The following DRAXIN variants were observed in gnomAD, a reference collection of about 807,000 sequenced individuals.
The protein encoded by DRAXIN is dorsal repulsive axon guidance protein.
Under a neutral mutation model 33.9 loss-of-function variants are expected in DRAXIN, and 27 were observed. The observed-to-expected ratio is 0.80, with a 90% confidence interval of 0.59 to 1.10. DRAXIN has a LOEUF of 1.10. DRAXIN is among the 50% of genes least tolerant of loss of function. The pLI is 0.00. For missense variants in DRAXIN, 371 were observed against 460.8 expected, an observed-to-expected ratio of 0.81 and a Z score of 1.78; for synonymous variants, 178 against 194.0, an observed-to-expected ratio of 0.92 and a Z score of 0.69.
chr1:11,718,141 T>TAAA (rs60384383), intron 6 of DRAXIN, among the ~76,000 whole-genome samples: 21,231 of 115,822 alleles, frequency 0.18, 2,342 homozygotes, highest in Admixed American at 0.27. Context: ...CCATCTCTGC[T>TAAA]AAAAAAAAAA....
rs538956193 is a variant in DRAXIN, at chr1:11,707,813, G to A, written c.451+1104G>A. 2.6e-5 allele frequency among the ~76,000 whole-genome samples: 4 copies of A among 152,304 alleles called. No homozygotes were observed. The East Asian group carries it at 7.7e-4, about 29-fold the overall frequency. ...CTCCCCGTGCCCATTCAGTCTCGGA[G>A]TAGACATGTCCCCTCAGCTCCAGTC... On this transcript the variant is annotated intron_variant, in intron 2 of 6. Transcript: ENST00000294485.
Position 11,706,382 on chromosome 1 carries a change from AT to A in DRAXIN, c.126del (p.Ile42MetfsTer105). 6.2e-7 allele frequency: 1 copy of A among 1,613,690 alleles called. No individual in the cohort carries two copies. The highest frequency in any genetic ancestry group is 8.5e-7 in the Non-Finnish European group (1 of 1,179,966). Reference protein sequence around the residue: ...TPARNLPENHIDLPGPALWTP... With the variant: ...TPARNLPENHXDLPGPALWTP... Reference sequence around the variant, plus strand: ...TGCCCGGAACCTCCCTGAGAATCACATTGACCTCCCAGGCCCAGCGCTGTGG... The same window carrying A: ...TGCCCGGAACCTCCCTGAGAATCACATGACCTCCCAGGCCCAGCGCTGTGG... On this transcript the variant is annotated frameshift_variant, in exon 2 of 7. Transcript: ENST00000294485. LOFTEE classifies it high-confidence loss of function. This position sits in a 1 kb window ranked among gnomAD's most constrained non-coding sequence, Gnocchi z 5.5.
intron 1 of DRAXIN, among the ~76,000 whole-genome samples, chr1:11,697,843 G>C (rs1641215163): frequency 6.6e-6 from 1 of 152,238 alleles, no homozygotes; most frequent in Non-Finnish European, 1.5e-5. Context: ...CTGAGGCCTA[G>C]GGGTTGCTGA....
intron 1 of DRAXIN, among the ~76,000 whole-genome samples, chr1:11,695,911 G>A (rs1484863885): frequency 1.3e-5 from 2 of 152,154 alleles, no homozygotes; most frequent in Non-Finnish European, 2.9e-5. Flanking sequence ...TGGGGCCTCT[G>A]ATGAACTCCC....
Position 11,719,641 on chromosome 1 carries a change from G to T in DRAXIN, c.995G>T (p.Arg332Leu), listed in dbSNP as rs755167409. ...RNRRVTRRKG[R>L]CVEPETANGD... ...CGCAGGGTTACACGGAGGAAAGGGC[G>T]CTGTGTGGAGCCCGAGACGGCCAAC... The change falls in exon 7 of 7, where the codon CGC (arginine) becomes CTC (leucine). Residue 332 changes from arginine to leucine, a missense_variant. Transcript: ENST00000294485. The T allele has an allele frequency of 6.2e-7, 1 of 1,614,114 alleles. No individual in the cohort carries two copies. The highest frequency in any genetic ancestry group is 1.7e-5 in the Admixed American group (1 of 60,022).
At chr1:11,691,312 T>C (rs1254597579), upstream of DRAXIN, 4 of 152,110 alleles carry the variant, frequency 2.6e-5, no homozygotes, top group Non-Finnish European at 4.4e-5. Context: ...CCGCGGCCCT[T>C]TGTCGCCCGC....
intron 6 of DRAXIN, 123 bp from the exon 7 acceptor site, chr1:11,719,461 G>A: frequency 1.3e-6 from 1 of 797,058 alleles, no homozygotes; most frequent in South Asian, 1.7e-5. Flanking sequence ...CCGTGAGGAA[G>A]CTGGGTTGTA....
upstream of DRAXIN, among the ~76,000 whole-genome samples, chr1:11,687,606 C>T (rs532147215): frequency 6.6e-6 from 1 of 152,242 alleles, no homozygotes; most frequent in African/African-American, 2.4e-5. This position sits in a 1 kb window ranked among gnomAD's most constrained non-coding sequence, Gnocchi z 4.1. Flanking sequence ...CAACTCCTGG[C>T]TTCAAGAGGT....
intron 3 of DRAXIN, 137 bp from the exon 4 acceptor site, chr1:11,711,714 G>A: frequency 1.4e-6 from 1 of 735,182 alleles, no homozygotes. Context: ...ATGTCCTTGG[G>A]CTGAGACTCC....
At chr1:11,711,611 G>A (rs1570317008) in intron 3 of DRAXIN, among the ~76,000 whole-genome samples, 1 of 152,160 alleles carries the variant, frequency 6.6e-6, no homozygotes, top group Non-Finnish European at 1.5e-5. Context: ...TAACTCACCT[G>A]TGTGTGTGTG....
chr1:11,717,863 C>T (rs1324511648), intron 6 of DRAXIN, among the ~76,000 whole-genome samples: 2 of 148,256 alleles, frequency 1.3e-5, no homozygotes. Flanking sequence ...GGTGTGGTGG[C>T]GCACACCCAT....
chr1:11,712,031 G>A (rs755037665), intron 4 of DRAXIN, 66 bp downstream of exon 4: 6 of 1,519,224 alleles, frequency 3.9e-6, no homozygotes, highest in Non-Finnish European at 5.4e-6. Context: ...ATCTGTTGAG[G>A]TGGGGGCCCC....
At chr1:11,702,694 C>T (rs1641314968) in intron 1 of DRAXIN, among the ~76,000 whole-genome samples, 1 of 152,098 alleles carries the variant, frequency 6.6e-6, no homozygotes, top group South Asian at 2.1e-4. Context: ...CTCACACACA[C>T]ACACTCACAC....
In DRAXIN at chr1:11,706,579, G is replaced by T. The variant is rs1336287779; in HGVS notation, c.321G>T (p.Gln107His). The change falls in exon 2 of 7, where the codon CAG becomes CAT. Residue 107 changes from glutamine to histidine, a missense_variant. Physicochemically the swap from Gln to His is conservative, Grantham distance 24 (BLOSUM62 0). Coordinates refer to ENST00000294485, the MANE Select transcript of DRAXIN (RefSeq NM_198545.4). This position sits in a 1 kb window ranked among gnomAD's most constrained non-coding sequence, Gnocchi z 5.5. ...LPEQSPAGLL[Q>H]DKDLLLGLAL... ...AGCAGAGTCCTGCAGGCCTGCTGCAGGACAAGGACCTGCTCCTGGGACTGG... is the reference window on the plus strand; with the variant it reads ...AGCAGAGTCCTGCAGGCCTGCTGCATGACAAGGACCTGCTCCTGGGACTGG... 1 of 1,608,950 alleles carries T rather than the reference G, an allele frequency of 6.2e-7. No individual in the cohort carries two copies. Among genetic ancestry groups the T allele is most frequent in the Admixed American group, 1.7e-5 (1 of 59,802 alleles).
chr1:11,694,372 G>A lies in DRAXIN; in HGVS notation c.-11+2519G>A, dbSNP rs181137358. Among the ~76,000 whole-genome samples the A allele has an allele frequency of 6.6e-6, 1 of 152,056 alleles. No homozygotes were observed. Among genetic ancestry groups the A allele is most frequent in the Non-Finnish European group, 1.5e-5 (1 of 68,014 alleles). Reference sequence around the variant, plus strand: ...GGCCCTCTGGCTGGGGAGGTTGGAGGGGGAGCAAGCTGCCCGGAAACCCCT... The same window carrying A: ...GGCCCTCTGGCTGGGGAGGTTGGAGAGGGAGCAAGCTGCCCGGAAACCCCT... On this transcript the variant is annotated intron_variant, in intron 1 of 6. Transcript: ENST00000294485. This position sits in a 1 kb window ranked among gnomAD's most constrained non-coding sequence, Gnocchi z 4.9.
chr1:11,711,801 G>T lies in DRAXIN; in HGVS notation c.643-50G>T, dbSNP rs749267250. Reference sequence around the variant, plus strand: ...TCTGACCTTGGGACTCCACACTCCTGCTTCCATGGATTTGAAGGTTCCAAC... The same window carrying T: ...TCTGACCTTGGGACTCCACACTCCTTCTTCCATGGATTTGAAGGTTCCAAC... On this transcript the variant is annotated intron_variant, in intron 3 of 6. Transcript: ENST00000294485. 3 of 1,541,972 alleles carry T rather than the reference G, an allele frequency of 1.9e-6. No individual in the cohort carries two copies. In the Admixed American group the frequency reaches 5.5e-5, roughly 28 times the overall value.
intron 5 of DRAXIN, among the ~76,000 whole-genome samples, chr1:11,714,078 G>A (rs894108280): frequency 2.0e-5 from 3 of 152,028 alleles, no homozygotes; most frequent in Non-Finnish European, 4.4e-5. Context: ...GGTGGTGTGC[G>A]CCTGTGGTTC....
At chr1:11,688,041 C>G (rs773592566), upstream of DRAXIN, among the ~76,000 whole-genome samples, 6 of 152,144 alleles carry the variant, frequency 3.9e-5, no homozygotes, top group Non-Finnish European at 8.8e-5. The surrounding 1 kb of genome is among the most constrained non-coding windows in gnomAD (Gnocchi z 4.6). Context: ...GATCACCCAG[C>G]CAGGGGACAG....
chr1:11,694,011 G>T lies in DRAXIN; in HGVS notation c.-11+2158G>T, dbSNP rs1440704470. Among the ~76,000 whole-genome samples the T allele has an allele frequency of 1.3e-5, 2 of 152,132 alleles. No individual in the cohort carries two copies. Among genetic ancestry groups the T allele is most frequent in the Non-Finnish European group, 2.9e-5 (2 of 68,036 alleles). On this transcript the variant is annotated intron_variant, in intron 1 of 6. Coordinates refer to ENST00000294485, the MANE Select transcript of DRAXIN (RefSeq NM_198545.4). This position sits in a 1 kb window ranked among gnomAD's most constrained non-coding sequence, Gnocchi z 4.9. ...CTGAGCTTTTGCTAGGGCTCTTTCT[G>T]CCCTGCCCTGTGTTTGATCTCAGCC...
Sources: allele counts gnomAD v4.1 joint callset (sites outside exome capture counted in the v4.1 genomes callset), GRCh38; gene constraint gnomAD v4.1.1; non-coding constraint Gnocchi (gnomAD v3.1); transcripts MANE v1.5; gene names NCBI Gene and HGNC (gene_info 2026-07-23, HGNC 2026-07-21).